Variants in ERN1 observed in about 807,000 individuals in gnomAD.
The protein encoded by ERN1 is endoplasmic reticulum to nucleus signaling 1, also known as serine/threonine-protein kinase/endoribonuclease IRE1.
ERN1 carries 39 observed loss-of-function variants against 113.1 expected under a neutral mutation model. The observed-to-expected ratio is 0.34, with a 90% confidence interval of 0.27 to 0.45. ERN1 has a LOEUF of 0.45. Among genes scored for constraint, ERN1 ranks in the 20% least tolerant of loss-of-function variants. The pLI, the probability that ERN1 is intolerant of heterozygous loss-of-function variation, is 1.00. For synonymous variants in ERN1, 507 were observed against 515.9 expected, an observed-to-expected ratio of 0.98 and a Z score of 0.23; for missense variants, 976 against 1,274.8, an observed-to-expected ratio of 0.77 and a Z score of 3.57.
intron 1 of ERN1, 39 bp downstream of exon 1, chr17:64,129,937 C>A: frequency 7.1e-7 from 1 of 1,400,980 alleles, no homozygotes; most frequent in Non-Finnish European, 9.3e-7. Context: ...ACCCGGCCGT[C>A]GCGAGCTGTC....
At chr17:64,110,916 G>A (rs1379870552) in intron 1 of ERN1, among the ~76,000 whole-genome samples, 1 of 152,144 alleles carries the variant, frequency 6.6e-6, no homozygotes, top group Non-Finnish European at 1.5e-5. Context: ...TCAGAAAAAG[G>A]GGCAAAGCAT....
At chr17:64,093,542 T>C (rs892884613) in intron 2 of ERN1, among the ~76,000 whole-genome samples, 2 of 152,084 alleles carry the variant, frequency 1.3e-5, no homozygotes, top group South Asian at 2.1e-4. Context: ...AAGTCTGAGA[T>C]TGGTTTCTGG....
intron 1 of ERN1, among the ~76,000 whole-genome samples, chr17:64,125,200 G>C (rs1329781458): frequency 1.3e-5 from 2 of 151,774 alleles, no homozygotes; most frequent in African/African-American, 4.8e-5. Flanking sequence ...ATAATAGAAG[G>C]CTTGTTTTTT....
chr17:64,073,068 T>C (rs1022587245), intron 5 of ERN1, among the ~76,000 whole-genome samples: 3 of 150,102 alleles, frequency 2.0e-5, no homozygotes, highest in Non-Finnish European at 4.4e-5. Flanking sequence ...TACAGAGGTG[T>C]GGTCACGGCT....
chr17:64,086,803 C>T (rs1269182597), intron 2 of ERN1, among the ~76,000 whole-genome samples: 1 of 151,850 alleles, frequency 6.6e-6, no homozygotes, highest in Non-Finnish European at 1.5e-5. Flanking sequence ...TGTGCCACCA[C>T]ACCCAGCTAA....
chr17:64,081,083 G>A (rs1163145682), intron 2 of ERN1, among the ~76,000 whole-genome samples: 1 of 152,208 alleles, frequency 6.6e-6, no homozygotes, highest in Non-Finnish European at 1.5e-5. Flanking sequence ...CAAGAAACTT[G>A]CATATAACTT....
In ERN1 at chr17:64,065,177, AG is replaced by A. The variant is rs757110873; in HGVS notation, c.921+31del. ...TTGCTAAAATGGAACAGAAGTGGTTAGGCAGCTGCGAGCCCTCCGTAGTGGA... is the reference window on the plus strand; with the variant it reads ...TTGCTAAAATGGAACAGAAGTGGTTAGCAGCTGCGAGCCCTCCGTAGTGGA... On this transcript the variant is annotated intron_variant, in intron 9 of 21. Coordinates refer to ENST00000433197, the MANE Select transcript of ERN1 (RefSeq NM_001433.5). 50 of 1,483,936 alleles carry A rather than the reference AG, an allele frequency of 3.4e-5. No individual in the cohort carries two copies. The African/African-American group carries it at 5.0e-4, about 15-fold the overall frequency. The allele number at this position is 1,483,936 out of a possible 1,614,324, so 91.9% of individuals were successfully genotyped here.
chr17:64,119,383 T>G (rs1393139306), intron 1 of ERN1, among the ~76,000 whole-genome samples: 9 of 121,226 alleles, frequency 7.4e-5, no homozygotes, highest in African/African-American at 2.6e-4. Flanking sequence ...TAGGTTTTTT[T>G]TTTTTTTTTT....
chr17:64,046,033 G>A (rs1912503065), intron 19 of ERN1, among the ~76,000 whole-genome samples: 1 of 152,154 alleles, frequency 6.6e-6, no homozygotes, highest in Non-Finnish European at 1.5e-5. Flanking sequence ...ACCTTGCTCT[G>A]CATTTGACTT....
intron 1 of ERN1, among the ~76,000 whole-genome samples, chr17:64,105,870 G>A (rs1310441977): frequency 6.6e-6 from 1 of 151,694 alleles, no homozygotes; most frequent in Non-Finnish European, 1.5e-5. Flanking sequence ...CAGGAGAATC[G>A]ATTGAACCTG....
At chr17:64,119,545 C>T (rs369541540) in intron 1 of ERN1, among the ~76,000 whole-genome samples, 16 of 151,810 alleles carry the variant, frequency 1.1e-4, no homozygotes, top group Admixed American at 2.6e-4. Flanking sequence ...CGCGCCACCA[C>T]GCCTGGCTAA....
chr17:64,083,179 G>C (rs1913821573), intron 2 of ERN1, among the ~76,000 whole-genome samples: 1 of 152,140 alleles, frequency 6.6e-6, no homozygotes, highest in African/African-American at 2.4e-5. Context: ...GTTGATAACA[G>C]TTAAAGATGA....
chr17:64,049,348 AGCGAGG>A lies in ERN1; in HGVS notation c.2254-152_2254-147del. 1 of 819,650 alleles carries A rather than the reference AGCGAGG, an allele frequency of 1.2e-6. No individual in the cohort carries two copies. Among genetic ancestry groups the A allele is most frequent in the Non-Finnish European group, 1.8e-6 (1 of 568,436 alleles). 50.8% of individuals were successfully genotyped at this position (819,650 alleles called of 1,614,324 possible). A position where few individuals can be genotyped will look rare whatever the true frequency, so the allele number is the denominator to read the frequency against. On this transcript the variant is annotated intron_variant, in intron 17 of 21. Coordinates refer to ENST00000433197, the MANE Select transcript of ERN1 (RefSeq NM_001433.5). The surrounding 1 kb of genome is among the most constrained non-coding windows in gnomAD (Gnocchi z 4.7). ...CTGACATATGTGAGCTGCACAGAGCAGCGAGGGCTAACCTGCAGCACTGCATGGGTG... is the reference window on the plus strand; with the variant it reads ...CTGACATATGTGAGCTGCACAGAGCAGCTAACCTGCAGCACTGCATGGGTG...
rs1912423827 is a variant in ERN1, at chr17:64,044,014, G to A, written c.2908C>T (p.Pro970Ser). ...CAGAGGGCGTCTGGAGTCACTGGGG[G>A]CTGGGGCTCTGGGGGCTCGTGGAAG... Reference protein sequence around the residue: ...YYFHEPPEPQPPVTPDAL With the variant: ...YYFHEPPEPQSPVTPDAL The change falls in exon 22 of 22, where the codon CCC becomes TCC. Residue 970 changes from proline (P) to serine (S), a missense_variant. By Grantham distance (74) the Pro-to-Ser change is moderately conservative (BLOSUM62 -1). Coordinates refer to ENST00000433197, the MANE Select transcript of ERN1 (RefSeq NM_001433.5). The surrounding 1 kb of genome is among the most constrained non-coding windows in gnomAD (Gnocchi z 4.1). The A allele has an allele frequency of 1.2e-6, 2 of 1,612,394 alleles. No individual in the cohort carries two copies. Among genetic ancestry groups the A allele is most frequent in the Non-Finnish European group, 1.7e-6 (2 of 1,179,116 alleles).
At position 64,054,764 on chromosome 17, in the gene ERN1, A is replaced by G. The variant is rs1280626137; in HGVS notation, c.1737T>C (p.His579=). The G allele has an allele frequency of 1.2e-6, 2 of 1,609,680 alleles. No homozygotes were observed. Among genetic ancestry groups the G allele is most frequent in the East Asian group, 2.2e-5 (1 of 44,832 alleles). ...ISFCPKDVLG[H]GAEGTIVYRG... ...GGTACACAATTGTGCCCTCAGCTCC[A>G]TGGCCCAGGACATCCTTGGGACAGA... is the stretch of plus-strand genomic sequence containing the variant. The change falls in exon 14 of 22, where the codon CAT becomes CAC. Residue 579 remains histidine, a synonymous_variant. Coordinates refer to ENST00000433197, the MANE Select transcript of ERN1 (RefSeq NM_001433.5). The surrounding 1 kb of genome is among the most constrained non-coding windows in gnomAD (Gnocchi z 4.9).
intron 2 of ERN1, among the ~76,000 whole-genome samples, chr17:64,081,720 CT>C (rs1463564083): frequency 6.6e-6 from 1 of 152,192 alleles, no homozygotes; most frequent in African/African-American, 2.4e-5. Flanking sequence ...GCAGGCATTA[CT>C]TTTTAAATTG....
In ERN1 at chr17:64,044,800, G is replaced by A. The variant is rs1324184543; in HGVS notation, c.2721+60C>T. On this transcript the variant is annotated intron_variant, in intron 21 of 21. Coordinates refer to ENST00000433197, the MANE Select transcript of ERN1 (RefSeq NM_001433.5). The surrounding 1 kb of genome is among the most constrained non-coding windows in gnomAD (Gnocchi z 4.1). ...AAGATTTATAAAGAATGGATGAAAG[G>A]AGGAAGGTGTCCATGTCATGGCCAC... 22 of 1,040,262 alleles carry A rather than the reference G, an allele frequency of 2.1e-5. No individual in the cohort carries two copies. Among genetic ancestry groups the A allele is most frequent in the Non-Finnish European group, 3.1e-5 (21 of 679,900 alleles). The allele number at this position is 1,040,262 out of a possible 1,614,324, so 64.4% of individuals were successfully genotyped here. A position where few individuals can be genotyped will look rare whatever the true frequency, so the allele number is the denominator to read the frequency against.
chr17:64,106,073 C>T (rs780182545), intron 1 of ERN1, among the ~76,000 whole-genome samples: 8 of 152,156 alleles, frequency 5.3e-5, no homozygotes, highest in South Asian at 2.1e-4. Flanking sequence ...TCCTGGAACC[C>T]GCAACCTGCC....
At position 64,129,984 on chromosome 17, in the gene ERN1, C is replaced by A; in HGVS notation, c.46G>T (p.Gly16Cys). Residue 16 changes from glycine to cysteine, a missense_variant, in exon 1 of 22, where the codon GGC becomes TGC. By Grantham distance (159) the Gly-to-Cys change is radical. Transcript: ENST00000433197. ...GCTCCCCGGTCACTCACCCCGAGGC[C>A]GGGCAGCAGCAGCGTCAGCAGCAGC... is the stretch of plus-strand genomic sequence containing the variant. ...LLLLLTLLLP[G>C]LGIFGSTSTV... 3 of 1,450,158 alleles carry A rather than the reference C, an allele frequency of 2.1e-6. No individual in the cohort carries two copies. Among genetic ancestry groups the A allele is most frequent in the Non-Finnish European group, 2.7e-6 (3 of 1,107,222 alleles). The allele number at this position is 1,450,158 out of a possible 1,614,324, so 89.8% of individuals were successfully genotyped here. A position where few individuals can be genotyped will look rare whatever the true frequency, so the allele number is the denominator to read the frequency against.
Sources: gnomAD v4.1 joint callset for allele counts (sites outside exome capture counted in the v4.1 genomes callset) on GRCh38, gnomAD v4.1.1 for gene constraint, Gnocchi (gnomAD v3.1) non-coding constraint, MANE v1.5 for transcripts, NCBI Gene and HGNC (gene_info 2026-07-23, HGNC 2026-07-21) for gene names.